Variants in OXCT1 observed in about 807,000 individuals in gnomAD.
The protein encoded by OXCT1 is 3-oxoacid CoA-transferase 1.
Under a neutral mutation model 69.6 loss-of-function variants are expected in OXCT1, and 27 were observed. The observed-to-expected ratio is 0.39, with a 90% CI of 0.29 to 0.54. OXCT1 has a LOEUF of 0.54. OXCT1 is among the 20% of genes least tolerant of loss of function. The pLI, the probability that OXCT1 is intolerant of heterozygous loss-of-function variation, is 0.72. For missense variants in OXCT1, 437 were observed against 650.2 expected, an observed-to-expected ratio of 0.67 and a Z score of 3.57; for synonymous variants, 202 against 217.8, an observed-to-expected ratio of 0.93 and a Z score of 0.64.
At chr5:41,815,103 T>C (rs896934657) in intron 7 of OXCT1, among the ~76,000 whole-genome samples, 4 of 152,108 alleles carry the variant, frequency 2.6e-5, no homozygotes, top group African/African-American at 9.6e-5. Context: ...TAAAATTGAC[T>C]AGCAGCAAAA....
chr5:41,805,517 G>C, intron 9 of OXCT1, 50 bp downstream of exon 9: 1 of 1,255,794 alleles, frequency 8.0e-7, no homozygotes, highest in Non-Finnish European at 1.2e-6. Context: ...GATCAATATG[G>C]GAAAAGCAAA....
intron 12 of OXCT1, chr5:41,794,384 C>G (rs1282094641): frequency 2.7e-5 from 16 of 593,004 alleles, no homozygotes; most frequent in Non-Finnish European, 4.5e-5. Context: ...AGAAAGTGAA[C>G]ACAGTTTGAA....
At chr5:41,825,128 T>C (rs541388481) in intron 7 of OXCT1, among the ~76,000 whole-genome samples, 5 of 152,332 alleles carry the variant, frequency 3.3e-5, no homozygotes, top group Admixed American at 6.5e-5. Flanking sequence ...GTATTTAGAA[T>C]TCTCTTCGAA....
At chr5:41,782,414 G>A (rs914383404) in intron 13 of OXCT1, among the ~76,000 whole-genome samples, 1 of 151,848 alleles carries the variant, frequency 6.6e-6, no homozygotes, top group East Asian at 1.9e-4. Flanking sequence ...GGGTTTCACT[G>A]TGTTGGCCAG....
At chr5:41,793,344 G>C (rs928391138) in intron 13 of OXCT1, among the ~76,000 whole-genome samples, 4 of 152,136 alleles carry the variant, frequency 2.6e-5, no homozygotes, top group Non-Finnish European at 4.4e-5. Context: ...TTCCATGCAC[G>C]TACTTGGGAA....
intron 5 of OXCT1, 32 bp from the exon 6 acceptor site, chr5:41,842,813 T>G (rs751937924): frequency 7.3e-7 from 1 of 1,368,480 alleles, no homozygotes; most frequent in African/African-American, 1.4e-5. Flanking sequence ...TCATCAGGTA[T>G]TTGCATAGGT....
chr5:41,843,844 G>A (rs577445557), intron 5 of OXCT1, among the ~76,000 whole-genome samples: 20 of 152,292 alleles, frequency 1.3e-4, no homozygotes, highest in African/African-American at 4.6e-4. Flanking sequence ...CAAGTTGCCT[G>A]CTAGAAAAAA....
Position 41,853,550 on chromosome 5 carries a change from C to A in OXCT1, c.283G>T (p.Asp95Tyr). Reference sequence around the variant, plus strand: ...AGCAAAAGCCCCAAACCAAAATTGTCAACCCTAGAAGGAAAATGAAGGGAG... The same window carrying A: ...AGCAAAAGCCCCAAACCAAAATTGTAAACCCTAGAAGGAAAATGAAGGGAG... ...LTAVSNNAGVDNFGLGLLLRS... is the reference protein window; with the variant it reads ...LTAVSNNAGVYNFGLGLLLRS... Residue 95 changes from aspartate (D) to tyrosine (Y), a missense_variant, in exon 4 of 17, where the codon GAC becomes TAC. Asp to Tyr is a radical substitution (Grantham distance 160). Around this residue, in one of 4 missense-constraint regions of OXCT1, gnomAD observed 252 missense variants for 397.4 expected, o/e 0.63. Coordinates refer to ENST00000196371, the MANE Select transcript of OXCT1 (RefSeq NM_000436.4). 1 of 1,613,824 alleles carries A rather than the reference C, an allele frequency of 6.2e-7. No homozygotes were observed. Among genetic ancestry groups the A allele is most frequent in the South Asian group, 1.1e-5 (1 of 91,078 alleles).
intron 7 of OXCT1, among the ~76,000 whole-genome samples, chr5:41,811,164 C>T (rs1420972124): frequency 2.0e-5 from 3 of 149,926 alleles, no homozygotes; most frequent in African/African-American, 7.3e-5. Context: ...AAGTTAAATG[C>T]AGAGGTGCTC....
In OXCT1 at chr5:41,793,986, A is replaced by T; in HGVS notation, c.1248+17T>A. 1 of 1,494,758 alleles carries T rather than the reference A, an allele frequency of 6.7e-7. No homozygotes were observed. Among genetic ancestry groups the T allele is most frequent in the East Asian group, 2.3e-5 (1 of 44,332 alleles). 92.6% of individuals were successfully genotyped at this position (1,494,758 alleles called of 1,614,324 possible). On this transcript the variant is annotated intron_variant, in intron 13 of 16. Coordinates refer to ENST00000196371, the MANE Select transcript of OXCT1 (RefSeq NM_000436.4). Reference sequence around the variant, plus strand: ...TTCTGATCCAAACATAATTCAGAATAAAAAATGTCTACTTACAGGTATCAT... The same window carrying T: ...TTCTGATCCAAACATAATTCAGAATTAAAAATGTCTACTTACAGGTATCAT...
intron 1 of OXCT1, among the ~76,000 whole-genome samples, chr5:41,866,467 G>A (rs934474793): frequency 6.6e-6 from 1 of 152,204 alleles, no homozygotes; most frequent in African/African-American, 2.4e-5. Flanking sequence ...AGAAACAAAA[G>A]TGGGGAGAAG....
At chr5:41,844,555 A>G (rs182310225) in intron 5 of OXCT1, among the ~76,000 whole-genome samples, 2 of 151,448 alleles carry the variant, frequency 1.3e-5, no homozygotes, top group African/African-American at 4.9e-5. Context: ...CTCAGCCCCT[A>G]GACACTCATC....
chr5:41,749,378 A>G (rs1282326991), intron 15 of OXCT1, 149 bp downstream of exon 15: 2 of 602,294 alleles, frequency 3.3e-6, no homozygotes, highest in Non-Finnish European at 6.1e-6. Flanking sequence ...CTACATTTAG[A>G]AACATTAAAT....
intron 16 of OXCT1, among the ~76,000 whole-genome samples, chr5:41,735,552 A>G (rs1475359937): frequency 6.6e-6 from 1 of 152,260 alleles, no homozygotes; most frequent in African/African-American, 2.4e-5. Context: ...ACACTTAAAC[A>G]TGGTTAAGAT....
rs184692084 is a variant in OXCT1 at position 41,756,314 on chromosome 5, T to C, written c.1338+5797A>G. On this transcript the variant is annotated intron_variant, in intron 14 of 16. Transcript: ENST00000196371. ...AGGAACACGTTTCCCGTACATGATA[T>C]TGAGAACAAAACAGATTCTTCATGT... Among the ~76,000 whole-genome samples the C allele has an allele frequency of 3.4e-4, 52 of 152,206 alleles. No homozygotes were observed. In the East Asian group the frequency reaches 4.6e-3, roughly 14 times the overall value.
intron 15 of OXCT1, among the ~76,000 whole-genome samples, chr5:41,741,890 G>GCTTCATT (rs1390449412): frequency 6.6e-6 from 1 of 152,160 alleles, no homozygotes; most frequent in African/African-American, 2.4e-5. Context: ...TCATTAGCTT[G>GCTTCATT]CTTCATTCCA....
chr5:41,794,798 G>T (rs750796604), intron 11 of OXCT1, 49 bp from the exon 12 acceptor site: 10 of 1,583,264 alleles, frequency 6.3e-6, no homozygotes, highest in Non-Finnish European at 8.6e-6. Context: ...AGATTTCTAA[G>T]AGTATCATGG....
At chr5:41,785,442 G>GT (rs1199133780) in intron 13 of OXCT1, among the ~76,000 whole-genome samples, 1 of 152,104 alleles carries the variant, frequency 6.6e-6, no homozygotes, top group Non-Finnish European at 1.5e-5. Context: ...ATATTGAAGA[G>GT]TTTTTTTCCT....
intron 14 of OXCT1, among the ~76,000 whole-genome samples, chr5:41,751,454 C>T (rs1221299356): frequency 6.6e-6 from 1 of 152,112 alleles, no homozygotes; most frequent in Non-Finnish European, 1.5e-5. Flanking sequence ...TCTCTGCATA[C>T]ACACTATAGC....
Sources: allele counts gnomAD v4.1 joint callset (sites outside exome capture counted in the v4.1 genomes callset), GRCh38; gene constraint gnomAD v4.1.1; regional missense constraint gnomAD v4.1.1; transcripts MANE v1.5; gene names NCBI Gene and HGNC (gene_info 2026-07-23, HGNC 2026-07-21).